The following LRBA variants were observed in gnomAD, a reference collection of about 807,000 sequenced individuals.
LRBA encodes the protein lipopolysaccharide-responsive and beige-like anchor protein.
Under a neutral mutation model 330.0 loss-of-function variants are expected in LRBA, and 176 were observed. The observed-to-expected ratio is 0.53, with a 90% CI of 0.47 to 0.60. The LOEUF is 0.60. LRBA is among the 20% of genes least tolerant of loss of function. The probability of loss-of-function intolerance (pLI) is 0.00; values close to 1 mark genes in which losing one functional copy is unlikely to be tolerated. For missense variants in LRBA, 3,259 were observed against 3,444.8 expected (o/e 0.95, Z 1.35); for synonymous variants, 1,230 against 1,193.0 (o/e 1.03, Z -0.64).
chr4:150,427,588 A>G (rs1432081265), intron 46 of LRBA, among the ~76,000 whole-genome samples: 4 of 151,976 alleles, frequency 2.6e-5, no homozygotes, highest in Non-Finnish European at 4.4e-5. Context: ...AGAAGGAAGG[A>G]GGGAAGATAG....
rs960496427 is a variant in LRBA at position 150,310,287 on chromosome 4, G to A, written c.7791C>T (p.Arg2597=). The part of the protein sequence containing the change: ...SQCFVITSDN[R]YILVCGFWDK... The stretch of plus-strand genomic sequence containing the variant: ...CCCAGAAGCCACAGACGAGAATATA[G>A]CGGTTGTCTGAAGTGATGACAAAGC... Residue 2597 remains arginine (R), a synonymous_variant, in exon 52 of 57, where the codon CGC becomes CGT. Transcript: ENST00000651943. The A allele has an allele frequency of 6.2e-7, 1 of 1,612,434 alleles. No individual in the cohort carries two copies. Among genetic ancestry groups the A allele is most frequent in the South Asian group, 1.1e-5 (1 of 91,024 alleles).
At chr4:150,284,310 T>C (rs1289646905) in intron 54 of LRBA, among the ~76,000 whole-genome samples, 2 of 152,154 alleles carry the variant, frequency 1.3e-5, no homozygotes, top group Non-Finnish European at 2.9e-5. Flanking sequence ...GGTTCCAACT[T>C]AGAAAAGAGT....
intron 34 of LRBA, among the ~76,000 whole-genome samples, chr4:150,791,339 T>C (rs1475459788): frequency 2.0e-5 from 3 of 152,232 alleles, no homozygotes; most frequent in South Asian, 2.1e-4. Flanking sequence ...AACAAGCACA[T>C]GGCTACCACA....
At chr4:150,462,254 A>G (rs773517198) in intron 44 of LRBA, among the ~76,000 whole-genome samples, 18 of 151,960 alleles carry the variant, frequency 1.2e-4, no homozygotes, top group Non-Finnish European at 1.9e-4. Context: ...AGTAGAGGGA[A>G]AAGAAATCAA....
At chr4:150,836,332 G>A (rs1748067960) in intron 28 of LRBA, among the ~76,000 whole-genome samples, 1 of 152,178 alleles carries the variant, frequency 6.6e-6, no homozygotes, top group South Asian at 2.1e-4. Context: ...AGTTAGGGAG[G>A]ATTCCCTCTT....
Position 150,985,745 on chromosome 4 carries a change from G to A in LRBA, c.216+28682C>T, listed in dbSNP as rs143712461. Among the ~76,000 whole-genome samples, 1,003 of 152,132 alleles carry A rather than the reference G, an allele frequency of 6.6e-3. 14 individuals are homozygous for A. Among genetic ancestry groups the A allele is most frequent in the African/African-American group, 0.023 (941 of 41,522 alleles). ...GATCTCCTGACCTCGTGATCCGCCC[G>A]CCTCGGCCTCCCAAAGTGCTGGGAT... On this transcript the variant is annotated intron_variant, in intron 2 of 56. Transcript: ENST00000651943.
chr4:150,936,942 T>A (rs1464027273), intron 2 of LRBA, among the ~76,000 whole-genome samples: 1 of 152,048 alleles, frequency 6.6e-6, no homozygotes, highest in Non-Finnish European at 1.5e-5. Flanking sequence ...ACAACTAACA[T>A]AAGAGACCTT....
chr4:150,808,440 T>C (rs768374981), intron 31 of LRBA, 42 bp from the exon 32 acceptor site: 1 of 1,111,296 alleles, frequency 9.0e-7, no homozygotes, highest in Non-Finnish European at 1.4e-6. Context: ...TTTCTGCTTT[T>C]AGATATGAAG....
intron 36 of LRBA, among the ~76,000 whole-genome samples, chr4:150,730,348 G>A (rs1180710979): frequency 1.3e-5 from 2 of 152,212 alleles, no homozygotes; most frequent in African/African-American, 4.8e-5. Flanking sequence ...TTGAATAGAC[G>A]TTTCTCAACA....
At chr4:150,550,232 A>T (rs1766411100) in intron 40 of LRBA, among the ~76,000 whole-genome samples, 1 of 152,148 alleles carries the variant, frequency 6.6e-6, no homozygotes, top group Non-Finnish European at 1.5e-5. Context: ...TGGTCAGTTA[A>T]AGTATTTTAA....
chr4:150,563,611 A>T (rs1381251679), intron 40 of LRBA, among the ~76,000 whole-genome samples: 2 of 152,216 alleles, frequency 1.3e-5, no homozygotes, highest in African/African-American at 4.8e-5. Context: ...TTTGCAGACG[A>T]CATGATTGTA....
intron 46 of LRBA, among the ~76,000 whole-genome samples, chr4:150,417,538 C>CG (rs1747955666): frequency 6.6e-6 from 1 of 152,074 alleles, no homozygotes; most frequent in Non-Finnish European, 1.5e-5. Context: ...TTCAGTAATA[C>CG]CCGCTGCCCA....
intron 40 of LRBA, among the ~76,000 whole-genome samples, chr4:150,537,110 A>G (rs1359839537): frequency 6.6e-6 from 1 of 152,252 alleles, no homozygotes. Context: ...CCAAAACAGC[A>G]TGATACTGGT....
rs764223120 is a variant in LRBA, at chr4:150,302,717, C to G, written c.7925G>C (p.Gly2642Ala). Residue 2642 changes from glycine (G) to alanine (A), a missense_variant, in exon 53 of 57, where the codon GGA becomes GCA. Coordinates refer to ENST00000651943, the MANE Select transcript of LRBA (RefSeq NM_001364905.1). ...CLARSESYIG[G>A]NCYILSGSRD... ...TGACCCTGAGAGAATGTAGCAATTT[C>G]CCCCAATATATGACTCAGAACGAGC... 6.2e-7 allele frequency: 1 copy of G among 1,612,710 alleles called. No homozygotes were observed.
At chr4:150,830,918 C>G (rs1747081226) in intron 29 of LRBA, among the ~76,000 whole-genome samples, 1 of 151,892 alleles carries the variant, frequency 6.6e-6, no homozygotes, top group African/African-American at 2.4e-5. Context: ...CACCCACCAC[C>G]ATGCCTGGCT....
chr4:150,277,757 CT>C, intron 56 of LRBA, 95 bp downstream of exon 56: 1 of 1,233,116 alleles, frequency 8.1e-7, no homozygotes, highest in Non-Finnish European at 1.2e-6. Context: ...CTGCCTCAGC[CT>C]CCCAAAGTAC....
chr4:150,624,426 A>T (rs1169887753), intron 37 of LRBA, among the ~76,000 whole-genome samples: 1 of 151,902 alleles, frequency 6.6e-6, no homozygotes. Context: ...TTCCCTTTTC[A>T]CTCATACAAG....
intron 37 of LRBA, among the ~76,000 whole-genome samples, chr4:150,660,544 A>G (rs1205206619): frequency 6.7e-6 from 1 of 149,934 alleles, no homozygotes; most frequent in African/African-American, 2.4e-5. Context: ...GCCTCTGCCC[A>G]GCCACCACCC....
At chr4:150,786,261 T>TA (rs1203568310) in intron 34 of LRBA, among the ~76,000 whole-genome samples, 1 of 151,336 alleles carries the variant, frequency 6.6e-6, no homozygotes, top group South Asian at 2.1e-4. Context: ...TTTCTTTTTT[T>TA]TTTTTTTTTG....
Sources: gnomAD v4.1 joint callset for allele counts (sites outside exome capture counted in the v4.1 genomes callset) on GRCh38, gnomAD v4.1.1 for gene constraint, MANE v1.5 for transcripts, NCBI Gene and HGNC (gene_info 2026-07-23, HGNC 2026-07-21) for gene names.